The following ARHGEF10 variants were observed in gnomAD, a reference collection of about 807,000 sequenced individuals.
The protein encoded by ARHGEF10 is Rho guanine nucleotide exchange factor (GEF) 10.
ARHGEF10 carries 140 observed loss-of-function variants against 147.4 expected under a neutral mutation model. The ratio of observed to expected loss-of-function variants is 0.95; its 90% CI spans 0.83 to 1.09. The LOEUF (loss-of-function observed/expected upper bound fraction) is 1.09. Ranked by LOEUF, ARHGEF10 falls within the 50% of genes least tolerant of loss-of-function variation. ARHGEF10 has a pLI of 0.00. For missense variants in ARHGEF10, 2,222 were observed against 1,752.7 expected (o/e 1.27, Z -4.78); for synonymous variants, 902 against 695.8 (o/e 1.30, Z -4.67).
intron 1 of ARHGEF10, among the ~76,000 whole-genome samples, chr8:1,833,997 C>T (rs1441878621): frequency 2.0e-5 from 3 of 152,192 alleles, no homozygotes; most frequent in African/African-American, 7.2e-5. Context: ...CAGACACATG[C>T]AGCTCCAGCC....
In ARHGEF10 at chr8:1,957,190, A is replaced by C; in HGVS notation, c.3962A>C (p.Lys1321Thr). ...CAGGGCCACCGCCGGGTGCACAGGA[A>C]GGCCCGGCAGCCCCACCAGGAAGAG... Reference protein sequence around the residue: ...GGQGHRRVHRKARQPHQEELA... With the variant: ...GGQGHRRVHRTARQPHQEELA... Residue 1321 changes from lysine (K) to threonine (T), a missense_variant, in exon 29 of 29, where the codon AAG becomes ACG. Lys to Thr is a moderately conservative substitution (Grantham distance 78). Coordinates refer to ENST00000349830, the MANE Select transcript of ARHGEF10 (RefSeq NM_014629.4). 1 of 1,612,496 alleles carries C rather than the reference A, an allele frequency of 6.2e-7. No individual in the cohort carries two copies. Among genetic ancestry groups the C allele is most frequent in the Non-Finnish European group, 8.5e-7 (1 of 1,179,974 alleles).
chr8:1,843,153 C>G lies in ARHGEF10; in HGVS notation c.-47-200C>G, dbSNP rs573797529. On this transcript the variant is annotated intron_variant, in intron 1 of 28. Transcript: ENST00000349830. ...TGAAGTCACTCCAACACTGAGAAGT[C>G]TCTTTTGTTTTGCTCTTGAATGTTG... Among the ~76,000 whole-genome samples, 57 of 152,334 alleles carry G rather than the reference C, an allele frequency of 3.7e-4. No individual in the cohort carries two copies. The South Asian group carries it at 0.011, about 30-fold the overall frequency.
chr8:1,823,486 G>C (rs1411826904), upstream of ARHGEF10, among the ~76,000 whole-genome samples: 1 of 151,856 alleles, frequency 6.6e-6, no homozygotes, highest in Non-Finnish European at 1.5e-5. Context: ...CCCTCCCTCA[G>C]GTGAGCTCAG....
chr8:1,935,221 A>AC (rs1210213716), intron 26 of ARHGEF10, among the ~76,000 whole-genome samples: 14 of 150,234 alleles, frequency 9.3e-5, no homozygotes, highest in African/African-American at 3.4e-4. Context: ...ACCCCCCACA[A>AC]CCCCCCATCA....
chr8:1,867,891 A>G (rs2129090668), intron 6 of ARHGEF10, among the ~76,000 whole-genome samples: 1 of 152,308 alleles, frequency 6.6e-6, no homozygotes, highest in Admixed American at 6.5e-5. Flanking sequence ...ACGTTGTTAA[A>G]ACAAAGATCT....
At chr8:1,870,887 T>C (rs1261225393) in intron 7 of ARHGEF10, 1 of 152,108 alleles carries the variant, frequency 6.6e-6, no homozygotes, top group Admixed American at 6.6e-5. Context: ...CCAAGGTGGA[T>C]GGATCACTTG....
chr8:1,857,234 A>G (rs180950708), intron 2 of ARHGEF10, among the ~76,000 whole-genome samples: 30 of 152,320 alleles, frequency 2.0e-4, no homozygotes, highest in African/African-American at 6.7e-4. Context: ...GAGAGGCAAA[A>G]TGAAAATAAA....
At chr8:1,938,698 G>T (rs754498063) in intron 26 of ARHGEF10, among the ~76,000 whole-genome samples, 1 of 152,188 alleles carries the variant, frequency 6.6e-6, no homozygotes, top group Non-Finnish European at 1.5e-5. Context: ...CCACTTGGGA[G>T]GCTGAGGCAG....
At chr8:1,910,349 T>C (rs1811265503) in intron 18 of ARHGEF10, among the ~76,000 whole-genome samples, 1 of 152,232 alleles carries the variant, frequency 6.6e-6, no homozygotes, top group South Asian at 2.1e-4. Context: ...TAAGGAGTAT[T>C]AGGTCTAATT....
rs957383971 is a variant in ARHGEF10 at position 1,937,735 on chromosome 8, G to A, written c.3222+3793G>A. Among the ~76,000 whole-genome samples, 4 of 152,228 alleles carry A rather than the reference G, an allele frequency of 2.6e-5. No individual in the cohort carries two copies. Among genetic ancestry groups the A allele is most frequent in the Admixed American group, 2.0e-4 (3 of 15,282 alleles). Reference sequence around the variant, plus strand: ...GGTATGTGTCCGCCTTGCTGACAGCGAGGGCAGCAGCTGCGGGGGGATCCG... The same window carrying A: ...GGTATGTGTCCGCCTTGCTGACAGCAAGGGCAGCAGCTGCGGGGGGATCCG... On this transcript the variant is annotated intron_variant, in intron 26 of 28. Transcript: ENST00000349830. This position sits in a 1 kb window ranked among gnomAD's most constrained non-coding sequence, Gnocchi z 4.9.
intron 1 of ARHGEF10, among the ~76,000 whole-genome samples, chr8:1,838,975 ACT>A (rs746066638): frequency 7.3e-4 from 80 of 110,268 alleles, no homozygotes; most frequent in Admixed American, 1.2e-3. Context: ...TGGCGTGGGG[ACT>A]CTCTGGCGTG....
chr8:1,919,179 CTGGGTGATGGAGCTGTTCCG>C (rs1812006545), intron 18 of ARHGEF10, among the ~76,000 whole-genome samples: 1 of 64,930 alleles, frequency 1.5e-5, no homozygotes, highest in Non-Finnish European at 3.0e-5. Context: ...GAGCTGTTCT[CTGGGTGATGGAGCTGTTCCG>C]TGGGTGATGG....
chr8:1,872,711 G>A (rs1311339154), intron 7 of ARHGEF10, among the ~76,000 whole-genome samples: 1 of 152,180 alleles, frequency 6.6e-6, no homozygotes, highest in Non-Finnish European at 1.5e-5. Flanking sequence ...AACTCACTTA[G>A]CTGAATTAAG....
intron 2 of ARHGEF10, among the ~76,000 whole-genome samples, chr8:1,847,310 T>G (rs2129055499): frequency 6.6e-6 from 1 of 152,318 alleles, no homozygotes; most frequent in East Asian, 1.9e-4. Flanking sequence ...AGTTAGCATT[T>G]ATGAAGTACT....
At chr8:1,946,206 AC>A (rs2129276661) in intron 27 of ARHGEF10, among the ~76,000 whole-genome samples, 1 of 152,322 alleles carries the variant, frequency 6.6e-6, no homozygotes, top group African/African-American at 2.4e-5. Flanking sequence ...AGGGGGCCCA[AC>A]CGGCTTCTTT....
intron 27 of ARHGEF10, among the ~76,000 whole-genome samples, chr8:1,950,193 A>C (rs1814916942): frequency 6.6e-6 from 1 of 152,046 alleles, no homozygotes; most frequent in African/African-American, 2.4e-5. Flanking sequence ...AGCGGACCTC[A>C]CGTGGGCTCC....
In ARHGEF10 at chr8:1,925,391, AGCAGGAGT is replaced by A; in HGVS notation, c.2598_2605del (p.Gln866HisfsTer4). ...CACATGCCCGTGATGGTGGCCAAGC[AGCAGGAGT>A]TCAAGGTGAAGGGAGGCAGGGCCCG... On this transcript the variant is annotated frameshift_variant, in exon 22 of 29. Coordinates refer to ENST00000349830, the MANE Select transcript of ARHGEF10 (RefSeq NM_014629.4). LOFTEE classifies it high-confidence loss of function. 6.2e-7 allele frequency: 1 copy of A among 1,614,124 alleles called. No individual in the cohort carries two copies. The highest frequency in any genetic ancestry group is 1.7e-5 in the Admixed American group (1 of 60,034).
At chr8:1,908,075 C>T (rs1811043338) in intron 17 of ARHGEF10, among the ~76,000 whole-genome samples, 1 of 152,104 alleles carries the variant, frequency 6.6e-6, no homozygotes, top group Admixed American at 6.6e-5. Flanking sequence ...CCTCCTTTCC[C>T]TTCCTGTATG....
intron 17 of ARHGEF10, among the ~76,000 whole-genome samples, chr8:1,908,227 A>ATT (rs11288174): frequency 0.06 from 6,617 of 109,982 alleles, 282 homozygotes; most frequent in Non-Finnish European, 0.087. Flanking sequence ...CCACACTTTG[A>ATT]TTTTTTTTTT....
Sources: gnomAD v4.1 joint callset for allele counts (sites outside exome capture counted in the v4.1 genomes callset) on GRCh38, gnomAD v4.1.1 for gene constraint, Gnocchi (gnomAD v3.1) non-coding constraint, MANE v1.5 for transcripts, NCBI Gene and HGNC (gene_info 2026-07-23, HGNC 2026-07-21) for gene names.